Variants in RSU1 observed in about 807,000 individuals in gnomAD.
The protein encoded by RSU1 is Ras suppressor protein 1, also known as rsu-1.
A neutral mutation model predicts 31.1 loss-of-function variants in RSU1; 26 were observed. The ratio of observed to expected loss-of-function variants is 0.84; its 90% CI spans 0.61 to 1.16. The LOEUF (loss-of-function observed/expected upper bound fraction) is 1.16, where lower values mean the gene tolerates loss of function less well. Among genes scored for constraint, RSU1 ranks in the 50% most tolerant of loss-of-function variants. The probability of loss-of-function intolerance (pLI) is 0.00; values close to 1 mark genes in which losing one functional copy is unlikely to be tolerated. For missense variants in RSU1, 320 were observed against 339.1 expected (o/e 0.94, Z 0.44); for synonymous variants, 164 against 136.3 (o/e 1.20, Z -1.41).
intron 7 of RSU1, among the ~76,000 whole-genome samples, chr10:16,702,523 C>A (rs779152485): frequency 2.0e-5 from 3 of 152,152 alleles, no homozygotes; most frequent in Non-Finnish European, 4.4e-5. Flanking sequence ...ATGTGGAACA[C>A]GGAGTCAAGG....
At chr10:16,621,867 A>G (rs186729497) in intron 8 of RSU1, among the ~76,000 whole-genome samples, 9 of 152,308 alleles carry the variant, frequency 5.9e-5, no homozygotes, top group African/African-American at 1.7e-4. Context: ...AACCATATCA[A>G]TGACTATGTA....
At chr10:16,715,986 AAGT>A (rs1300893221) in intron 7 of RSU1, among the ~76,000 whole-genome samples, 1 of 152,228 alleles carries the variant, frequency 6.6e-6, no homozygotes, top group Non-Finnish European at 1.5e-5. Context: ...AGTCAAAACA[AAGT>A]AGAAAAATTT....
intron 7 of RSU1, 47 bp from the exon 8 acceptor site, chr10:16,695,202 A>G: frequency 6.4e-7 from 1 of 1,573,758 alleles, no homozygotes; most frequent in Non-Finnish European, 8.6e-7. Flanking sequence ...TCCAATACAG[A>G]TCAGGTCTAA....
At chr10:16,684,764 G>A (rs115390435) in intron 8 of RSU1, among the ~76,000 whole-genome samples, 1,673 of 152,024 alleles carry the variant, frequency 0.011, 31 homozygotes, top group African/African-American at 0.039. Context: ...AATACAAATA[G>A]TAAAGACAAA....
At chr10:16,785,435 T>TATATACACATATATACATATATAC (rs1837760947) in intron 2 of RSU1, among the ~76,000 whole-genome samples, 1 of 140,548 alleles carries the variant, frequency 7.1e-6, no homozygotes, top group Non-Finnish European at 1.5e-5. Flanking sequence ...TACATATATA[T>TATATACACATATATACATATATAC]ATATACACAT....
At chr10:16,744,208 T>A (rs560678373) in intron 7 of RSU1, among the ~76,000 whole-genome samples, 191 of 152,206 alleles carry the variant, frequency 1.3e-3, no homozygotes, top group Non-Finnish European at 1.3e-3. Context: ...AAGAGACTTC[T>A]TTTTCTATAA....
chr10:16,676,374 T>G (rs1457409174), intron 8 of RSU1, among the ~76,000 whole-genome samples: 1 of 152,172 alleles, frequency 6.6e-6, no homozygotes, highest in East Asian at 1.9e-4. Flanking sequence ...GCAGGGGAAC[T>G]GCCCTTTATA....
chr10:16,752,732 CT>C, intron 6 of RSU1, 79 bp from the exon 7 acceptor site: 1 of 1,138,648 alleles, frequency 8.8e-7, no homozygotes, highest in South Asian at 1.3e-5. Context: ...TCTATGTCCT[CT>C]CTTCTACTAA....
intron 7 of RSU1, among the ~76,000 whole-genome samples, chr10:16,746,337 A>G (rs1041196564): frequency 1.3e-5 from 2 of 152,198 alleles, no homozygotes; most frequent in Non-Finnish European, 2.9e-5. Flanking sequence ...GTGCAAATTA[A>G]GGTTTTGATG....
chr10:16,716,741 C>G (rs915976924), intron 7 of RSU1, among the ~76,000 whole-genome samples: 1 of 151,902 alleles, frequency 6.6e-6, no homozygotes, highest in African/African-American at 2.4e-5. Flanking sequence ...ACTAAAGAGC[C>G]CTTTCAGAGA....
chr10:16,614,377 G>A (rs1833941253), intron 8 of RSU1, among the ~76,000 whole-genome samples: 1 of 151,786 alleles, frequency 6.6e-6, no homozygotes, highest in Non-Finnish European at 1.5e-5. Flanking sequence ...GGTAGTAGGG[G>A]GCTGGGAGGA....
intron 2 of RSU1, among the ~76,000 whole-genome samples, chr10:16,784,326 C>G (rs1226709853): frequency 6.6e-6 from 1 of 152,012 alleles, no homozygotes; most frequent in Admixed American, 6.5e-5. Flanking sequence ...GGAGATTTGT[C>G]ATTTGTTGAT....
intron 8 of RSU1, among the ~76,000 whole-genome samples, chr10:16,650,967 G>A (rs187313511): frequency 1.4e-4 from 22 of 152,052 alleles, no homozygotes; most frequent in East Asian, 9.6e-4. Flanking sequence ...TATTTATAAC[G>A]GATGCACACA....
chr10:16,595,641 G>T (rs1833598153), intron 8 of RSU1, among the ~76,000 whole-genome samples: 2 of 152,158 alleles, frequency 1.3e-5, no homozygotes, highest in Admixed American at 6.5e-5. Context: ...GTGTAATGGA[G>T]ACAGTAGCCC....
chr10:16,751,026 C>T (rs1836969032), intron 7 of RSU1, among the ~76,000 whole-genome samples: 1 of 152,022 alleles, frequency 6.6e-6, no homozygotes, highest in Admixed American at 6.5e-5. Context: ...CCACCACGTC[C>T]AGCTAATTTT....
At chr10:16,796,137 C>G (rs1156943564) in intron 2 of RSU1, among the ~76,000 whole-genome samples, 2 of 152,170 alleles carry the variant, frequency 1.3e-5, no homozygotes, top group Non-Finnish European at 2.9e-5. Context: ...TGGTGTGCCA[C>G]CTGCTCTTAC....
intron 7 of RSU1, among the ~76,000 whole-genome samples, chr10:16,714,356 C>A (rs558069476): frequency 6.6e-6 from 1 of 152,284 alleles, no homozygotes; most frequent in South Asian, 2.1e-4. Flanking sequence ...GTTGGGCAGC[C>A]TTGCAGTTAT....
chr10:16,817,256 A>AGCCCCGCTGCG (rs1395802882), intron 1 of RSU1, 59 bp downstream of exon 1: 4 of 420,196 alleles, frequency 9.5e-6, no homozygotes, highest in Non-Finnish European at 1.6e-5. Context: ...GGAAGGGTTC[A>AGCCCCGCTGCG]GCCCCGCTGC....
intron 4 of RSU1, among the ~76,000 whole-genome samples, chr10:16,757,116 C>A (rs567324443): frequency 7.3e-6 from 1 of 137,724 alleles, no homozygotes; most frequent in East Asian, 2.2e-4. Flanking sequence ...TGTGGGTGTG[C>A]GTGTGTGTGT....
Sources: gnomAD v4.1 joint callset for allele counts (sites outside exome capture counted in the v4.1 genomes callset) on GRCh38, gnomAD v4.1.1 for gene constraint, MANE v1.5 for transcripts, NCBI Gene and HGNC (gene_info 2026-07-23, HGNC 2026-07-21) for gene names.